GRIN2A: variants seen among roughly 807,000 people sequenced by gnomAD.
GRIN2A encodes glutamate receptor ionotropic, NMDA 2A.
Under a neutral mutation model 113.4 loss-of-function variants are expected in GRIN2A, and 22 were observed. The observed-to-expected ratio is 0.19, with a 90% CI of 0.14 to 0.28. The LOEUF (loss-of-function observed/expected upper bound fraction) is 0.28. Ranked by LOEUF, GRIN2A falls within the 10% of genes least tolerant of loss-of-function variation. The pLI, the probability that GRIN2A is intolerant of heterozygous loss-of-function variation, is 1.00. For synonymous variants in GRIN2A, 827 were observed against 738.4 expected, an observed-to-expected ratio of 1.12 and a Z score of -1.94; for missense variants, 1,502 against 1,887.0, an observed-to-expected ratio of 0.80 and a Z score of 3.78.
At chr16:9,931,312 G>T (rs1476070087) in intron 3 of GRIN2A, among the ~76,000 whole-genome samples, 1 of 152,102 alleles carries the variant, frequency 6.6e-6, no homozygotes, top group Non-Finnish European at 1.5e-5. Flanking sequence ...TTATAATAAT[G>T]ATGATGATGA....
At position 9,760,145 on chromosome 16, in the gene GRIN2A, A is replaced by G; in HGVS notation, c.*3004T>C. 1 of 225,308 alleles carries G rather than the reference A, an allele frequency of 4.4e-6. No individual in the cohort carries two copies. The highest frequency in any genetic ancestry group is 8.8e-6 in the Non-Finnish European group (1 of 113,128). The allele number at this position is 225,308 out of a possible 1,614,324, so 14.0% of individuals were successfully genotyped here. On this transcript the variant is annotated 3_prime_UTR_variant, in exon 13 of 13. Coordinates refer to ENST00000330684, the MANE Select transcript of GRIN2A (RefSeq NM_001134407.3). The stretch of plus-strand genomic sequence containing the variant: ...AATTTGGGCTCCTTGACATCAACAA[A>G]TCTAAGAACTCAGAGCTGGGATATG...
chr16:9,886,888 G>A (rs1205465005), intron 4 of GRIN2A, among the ~76,000 whole-genome samples: 2 of 152,042 alleles, frequency 1.3e-5, no homozygotes, highest in African/African-American at 2.4e-5. Context: ...AGGATTTAAG[G>A]TTTTGTTGTT....
At chr16:9,768,826 G>GTTTCT (rs1175149063) in intron 12 of GRIN2A, 25 bp downstream of exon 12, 1 of 1,540,134 alleles carries the variant, frequency 6.5e-7, no homozygotes. Context: ...TGCAGTGCAA[G>GTTTCT]AAAGTAGCCA....
intron 2 of GRIN2A, among the ~76,000 whole-genome samples, chr16:9,990,502 T>C (rs1162208061): frequency 3.3e-5 from 5 of 151,910 alleles, no homozygotes; most frequent in African/African-American, 4.8e-5. Context: ...AATATGTCTA[T>C]GTAACAAACC....
At chr16:10,023,324 A>G (rs2046759777) in intron 2 of GRIN2A, among the ~76,000 whole-genome samples, 1 of 152,234 alleles carries the variant, frequency 6.6e-6, no homozygotes, top group South Asian at 2.1e-4. Flanking sequence ...CATTGAATAA[A>G]TATTACATAA....
rs941721535 is a variant in GRIN2A at position 10,141,314 on chromosome 16, C to T, written c.414+38684G>A. 2.6e-5 allele frequency among the ~76,000 whole-genome samples: 4 copies of T among 151,824 alleles called. No individual in the cohort carries two copies. In the East Asian group the frequency reaches 7.7e-4, roughly 29 times the overall value. ...GACCAACGTGGCAAATATGGTGAAA[C>T]CCTGTCTCTAATAAAAATACAAAAA... On this transcript the variant is annotated intron_variant, in intron 2 of 12. Coordinates refer to ENST00000330684, the MANE Select transcript of GRIN2A (RefSeq NM_001134407.3).
intron 4 of GRIN2A, among the ~76,000 whole-genome samples, chr16:9,861,775 A>G (rs1435345895): frequency 6.6e-6 from 1 of 152,238 alleles, no homozygotes; most frequent in Admixed American, 6.5e-5. Flanking sequence ...AAATTACTAA[A>G]GAGCAGGTGT....
chr16:9,930,002 T>C (rs755285018), intron 3 of GRIN2A, among the ~76,000 whole-genome samples: 9 of 152,292 alleles, frequency 5.9e-5, no homozygotes, highest in African/African-American at 1.7e-4. Flanking sequence ...TTGGAAATGA[T>C]TGACTTGCAT....
At chr16:10,175,388 G>A (rs1661743574) in intron 2 of GRIN2A, among the ~76,000 whole-genome samples, 1 of 152,134 alleles carries the variant, frequency 6.6e-6, no homozygotes, top group African/African-American at 2.4e-5. Context: ...GTCCACAGAG[G>A]GCAAAGCACA....
chr16:9,999,911 C>T (rs1277895612), intron 2 of GRIN2A, among the ~76,000 whole-genome samples: 2 of 152,100 alleles, frequency 1.3e-5, no homozygotes, highest in African/African-American at 4.8e-5. Flanking sequence ...TCTAAATGGG[C>T]TCACTAGGCT....
chr16:10,179,040 T>C (rs1364458730), intron 2 of GRIN2A, among the ~76,000 whole-genome samples: 4 of 152,178 alleles, frequency 2.6e-5, no homozygotes, highest in African/African-American at 7.2e-5. Context: ...TCCAGCCTTC[T>C]TCCTTCCCTC....
intron 10 of GRIN2A, among the ~76,000 whole-genome samples, chr16:9,807,470 C>T (rs1013819815): frequency 6.6e-6 from 1 of 151,272 alleles, no homozygotes; most frequent in Non-Finnish European, 1.5e-5. Context: ...AGAAAGAATA[C>T]CCAAGAGATG....
At chr16:9,811,868 G>A (rs2042092804) in intron 10 of GRIN2A, among the ~76,000 whole-genome samples, 1 of 152,174 alleles carries the variant, frequency 6.6e-6, no homozygotes, top group African/African-American at 2.4e-5. Flanking sequence ...TTCTGACCAT[G>A]TGCTTCCTGT....
At position 9,774,983 on chromosome 16, in the gene GRIN2A, C is replaced by T. The variant is rs574749753; in HGVS notation, c.2357-5894G>A. On this transcript the variant is annotated intron_variant, in intron 11 of 12. Transcript: ENST00000330684. ...ATATCCAAAGTAAGAGAAATTAGTT[C>T]TCTATTTGCCCTAAGACTCATTCTC... Among the ~76,000 whole-genome samples, 4 of 152,260 alleles carry T rather than the reference C, an allele frequency of 2.6e-5. No individual in the cohort carries two copies. In the South Asian group the frequency reaches 8.3e-4, roughly 32 times the overall value.
intron 2 of GRIN2A, among the ~76,000 whole-genome samples, chr16:10,060,741 C>CACAAAGCTAGTAAATGGCAGAT (rs2047538100): frequency 6.6e-6 from 1 of 152,184 alleles, no homozygotes; most frequent in Non-Finnish European, 1.5e-5. Flanking sequence ...TGCCCCAAGT[C>CACAAAGCTAGTAAATGGCAGAT]ACAAAGCTAG....
intron 2 of GRIN2A, among the ~76,000 whole-genome samples, chr16:10,044,022 T>TAGAGAGAG (rs1555469980): frequency 2.0e-3 from 221 of 107,970 alleles, no homozygotes; most frequent in East Asian, 5.2e-3. Flanking sequence ...TATATATATA[T>TAGAGAGAG]AGAGAGAGAG....
At chr16:9,815,413 CAAAAA>C (rs71157786) in intron 10 of GRIN2A, among the ~76,000 whole-genome samples, 95 of 111,906 alleles carry the variant, frequency 8.5e-4, no homozygotes, top group African/African-American at 2.6e-3. Context: ...TAACAACAAC[CAAAAA>C]AAAAAAAAAA....
At chr16:10,091,879 T>C (rs879645358) in intron 2 of GRIN2A, among the ~76,000 whole-genome samples, 12 of 152,290 alleles carry the variant, frequency 7.9e-5, no homozygotes, top group South Asian at 2.1e-4. Context: ...GGAGCAATGA[T>C]TGACAGGCCT....
intron 3 of GRIN2A, among the ~76,000 whole-genome samples, chr16:9,917,554 G>A (rs532987410): frequency 2.0e-5 from 3 of 152,318 alleles, no homozygotes; most frequent in African/African-American, 7.2e-5. Flanking sequence ...ATGCACCACT[G>A]TTCTACTGCA....
Sources: allele counts gnomAD v4.1 joint callset (sites outside exome capture counted in the v4.1 genomes callset), GRCh38; gene constraint gnomAD v4.1.1; transcripts MANE v1.5; gene names NCBI Gene and HGNC (gene_info 2026-07-23, HGNC 2026-07-21).